Variants in NRXN1 observed in about 807,000 individuals in gnomAD.
NRXN1 encodes the protein neurexin 1, also known as neurexin-1.
NRXN1 carries 39 observed loss-of-function variants against 150.9 expected under a neutral mutation model. That is an observed-to-expected ratio of 0.26 (90% CI 0.20 to 0.34). The LOEUF (loss-of-function observed/expected upper bound fraction) is 0.34. Among genes scored for constraint, NRXN1 ranks in the 10% least tolerant of loss-of-function variants. NRXN1 has a pLI of 1.00. For synonymous variants in NRXN1, 924 were observed against 757.0 expected (o/e 1.22, Z -3.62); for missense variants, 1,815 against 1,949.9 (o/e 0.93, Z 1.30).
At chr2:50,644,157 A>C (rs1684464279) in intron 5 of NRXN1, among the ~76,000 whole-genome samples, 2 of 148,754 alleles carry the variant, frequency 1.3e-5, no homozygotes, top group African/African-American at 4.9e-5. Flanking sequence ...CTTCATGTGG[A>C]AAAAAAAAAC....
intron 18 of NRXN1, among the ~76,000 whole-genome samples, chr2:50,222,807 T>C (rs913700961): frequency 2.4e-4 from 37 of 151,880 alleles, no homozygotes; most frequent in African/African-American, 8.5e-4. Flanking sequence ...TTCAGGTATG[T>C]TAGCATATAT....
At chr2:50,777,295 G>A (rs1011422902) in intron 5 of NRXN1, among the ~76,000 whole-genome samples, 1 of 152,088 alleles carries the variant, frequency 6.6e-6, no homozygotes, top group South Asian at 2.1e-4. Flanking sequence ...TAAGTGGGTT[G>A]AAGAAAATCA....
chr2:50,475,588 T>C (rs2089922751), intron 15 of NRXN1, among the ~76,000 whole-genome samples: 2 of 151,924 alleles, frequency 1.3e-5, no homozygotes, highest in South Asian at 2.1e-4. Context: ...GAGCAGAAAA[T>C]ATCAGTTCAA....
rs201337797 is a variant in NRXN1 at position 50,497,375 on chromosome 2, C to A, written c.2837G>T (p.Ser946Ile). The change falls in exon 14 of 23, where the codon AGT becomes ATT. Residue 946 changes from serine (S) to isoleucine (I), a missense_variant. Transcript: ENST00000401669. Reference protein sequence around the residue: ...TSLDGLILYNSGDGNDFIVVE... With the variant: ...TSLDGLILYNIGDGNDFIVVE... ...CACAATAAAGTCATTTCCATCCCCA[C>A]TGTTATATAGAATTAATCCATCTAG... is the stretch of plus-strand genomic sequence containing the variant. 3.8e-5 allele frequency: 59 copies of A among 1,565,788 alleles called. No individual in the cohort carries two copies. The highest frequency in any genetic ancestry group is 4.8e-5 in the Non-Finnish European group (55 of 1,154,032).
Position 50,538,255 on chromosome 2 carries a change from C to T in NRXN1, c.2141G>A (p.Arg714Lys). ...GTGYLGRSCE[R>K]EATVLSYDGS... ...CTGCTGGGGTTTTAGAATCCTACCT[C>T]TCTCACAGGACCTGCCAAGATAGCC... Residue 714 changes from arginine to lysine, a missense_variant and splice_region_variant, in exon 10 of 23, where the codon AGA becomes AAA. This residue lies in a region of NRXN1 where 638 missense variants were observed against 652.6 expected (regional missense o/e 0.98). Coordinates refer to ENST00000401669, the MANE Select transcript of NRXN1 (RefSeq NM_001330078.2). 6.2e-7 allele frequency: 1 copy of T among 1,607,668 alleles called. No individual in the cohort carries two copies. The highest frequency in any genetic ancestry group is 8.5e-7 in the Non-Finnish European group (1 of 1,175,236).
At chr2:50,241,488 C>T (rs1422606809) in intron 17 of NRXN1, among the ~76,000 whole-genome samples, 2 of 151,724 alleles carry the variant, frequency 1.3e-5, no homozygotes, top group Non-Finnish European at 2.9e-5. Context: ...TGCAAATTAA[C>T]CTTGACATCC....
intron 18 of NRXN1, 40 bp downstream of exon 18, chr2:50,236,749 G>C (rs768739553): frequency 6.3e-7 from 1 of 1,595,526 alleles, no homozygotes; most frequent in Non-Finnish European, 8.6e-7. Flanking sequence ...AAAGTTAACA[G>C]TAAAAAGTAA....
intron 21 of NRXN1, among the ~76,000 whole-genome samples, chr2:50,009,766 G>T (rs1183901742): frequency 6.6e-6 from 1 of 152,108 alleles, no homozygotes; most frequent in Admixed American, 6.6e-5. Flanking sequence ...TACAGTAAAA[G>T]TATTCACCAG....
At chr2:50,082,256 C>G (rs1698080887) in intron 19 of NRXN1, among the ~76,000 whole-genome samples, 2 of 152,158 alleles carry the variant, frequency 1.3e-5, no homozygotes, top group Non-Finnish European at 2.9e-5. Flanking sequence ...ACAATCTCAG[C>G]CAATATCTTT....
chr2:50,476,682 A>T lies in NRXN1; in HGVS notation c.3071-4211T>A, dbSNP rs114796782. On this transcript the variant is annotated intron_variant, in intron 15 of 22. Coordinates refer to ENST00000401669, the MANE Select transcript of NRXN1 (RefSeq NM_001330078.2). ...TGTTTCTAGCACAACTGGAGTGACA[A>T]CATGTCAATTTTATAAATTCTCCAT... is the stretch of plus-strand genomic sequence containing the variant. Among the ~76,000 whole-genome samples the T allele has an allele frequency of 4.3e-3, 660 of 152,184 alleles. 3 individuals are homozygous for T. Among genetic ancestry groups the T allele is most frequent in the African/African-American group, 0.015 (636 of 41,524 alleles).
At chr2:50,932,936 T>C (rs905749731) in intron 2 of NRXN1, among the ~76,000 whole-genome samples, 2 of 151,842 alleles carry the variant, frequency 1.3e-5, no homozygotes, top group African/African-American at 4.8e-5. Flanking sequence ...TTCTATAAAG[T>C]CTAAGAAACT....
At chr2:50,467,916 A>T (rs938614273) in intron 16 of NRXN1, among the ~76,000 whole-genome samples, 13 of 151,562 alleles carry the variant, frequency 8.6e-5, no homozygotes, top group African/African-American at 3.1e-4. Flanking sequence ...CTTAGTTTTA[A>T]TTTTTGTTCC....
At chr2:50,752,009 G>T (rs1006383602) in intron 5 of NRXN1, among the ~76,000 whole-genome samples, 1 of 151,936 alleles carries the variant, frequency 6.6e-6, no homozygotes, top group Non-Finnish European at 1.5e-5. Context: ...AACCCAGTCT[G>T]CCCACTCTAA....
rs1392792909 is a variant in NRXN1 at position 50,623,659 on chromosome 2, T to C, written c.833-44A>G. The C allele has an allele frequency of 5.7e-6, 8 of 1,408,774 alleles. 1 individual carries two copies. In the Admixed American group the frequency reaches 9.3e-5, roughly 16 times the overall value. The allele number at this position is 1,408,774 out of a possible 1,614,324, so 87.3% of individuals were successfully genotyped here. ...TACATACATAAGTAAACAAATACAC[T>C]ATGCAAATCAGCAGGTCTTAACAGA... On this transcript the variant is annotated intron_variant, in intron 5 of 22. Transcript: ENST00000401669.
intron 18 of NRXN1, among the ~76,000 whole-genome samples, chr2:50,131,611 C>T (rs1705505463): frequency 6.6e-6 from 1 of 152,094 alleles, no homozygotes; most frequent in South Asian, 2.1e-4. Flanking sequence ...TGCTCTGTTG[C>T]CACTTAAAGT....
intron 18 of NRXN1, 37 bp from the exon 19 acceptor site, chr2:50,091,531 T>C (rs1317138403): frequency 1.3e-6 from 2 of 1,598,562 alleles, no homozygotes. Flanking sequence ...TTGAATTAAG[T>C]TGACTAGTCA....
chr2:50,000,084 G>C (rs1683652581), intron 21 of NRXN1, among the ~76,000 whole-genome samples: 1 of 152,114 alleles, frequency 6.6e-6, no homozygotes, highest in African/African-American at 2.4e-5. Flanking sequence ...TCCTGCACCT[G>C]GGCTGTAAAG....
chr2:50,711,060 T>C (rs943530840), intron 5 of NRXN1, among the ~76,000 whole-genome samples: 1 of 152,168 alleles, frequency 6.6e-6, no homozygotes, highest in African/African-American at 2.4e-5. Context: ...TAGAAACTTC[T>C]GTGTACTTAC....
chr2:50,468,080 C>T (rs914688000), intron 16 of NRXN1, among the ~76,000 whole-genome samples: 2 of 151,428 alleles, frequency 1.3e-5, no homozygotes, highest in Non-Finnish European at 3.0e-5. Flanking sequence ...TAATACAAGC[C>T]CAGTTTGGGG....
Sources: gnomAD v4.1 joint callset for allele counts (sites outside exome capture counted in the v4.1 genomes callset) on GRCh38, gnomAD v4.1.1 for gene constraint, gnomAD v4.1.1 regional missense constraint, MANE v1.5 for transcripts, NCBI Gene and HGNC (gene_info 2026-07-23, HGNC 2026-07-21) for gene names.